Variants in CCSER1 observed in about 807,000 individuals in gnomAD.
CCSER1 encodes the protein coiled-coil serine rich protein 1.
A neutral mutation model predicts 82.0 loss-of-function variants in CCSER1; 41 were observed. That is an observed-to-expected ratio of 0.50 (90% CI 0.39 to 0.65). The LOEUF (loss-of-function observed/expected upper bound fraction) is 0.65. Ranked by LOEUF, CCSER1 falls within the 30% of genes least tolerant of loss-of-function variation. The pLI, the probability that CCSER1 is intolerant of heterozygous loss-of-function variation, is 0.00. For missense variants in CCSER1, 1,119 were observed against 1,064.2 expected, an observed-to-expected ratio of 1.05 and a Z score of -0.72; for synonymous variants, 414 against 383.9, an observed-to-expected ratio of 1.08 and a Z score of -0.92.
intron 10 of CCSER1, among the ~76,000 whole-genome samples, chr4:91,577,467 A>T (rs867491756): frequency 1.3e-5 from 2 of 152,056 alleles, no homozygotes; most frequent in African/African-American, 2.4e-5. Context: ...TAAAATAAAA[A>T]AAAATACCTT....
intron 3 of CCSER1, among the ~76,000 whole-genome samples, chr4:90,394,298 CT>C (rs934831563): frequency 1.3e-5 from 2 of 152,006 alleles, no homozygotes; most frequent in African/African-American, 2.4e-5. Context: ...ACACCATGCC[CT>C]TTACATTCAT....
intron 10 of CCSER1, among the ~76,000 whole-genome samples, chr4:91,456,750 G>A (rs1395599544): frequency 6.6e-6 from 1 of 151,798 alleles, no homozygotes; most frequent in Non-Finnish European, 1.5e-5. Flanking sequence ...ATTTACCTTT[G>A]TTGTTTCAGG....
chr4:90,857,567 C>A (rs1309429820), intron 8 of CCSER1, among the ~76,000 whole-genome samples: 1 of 152,078 alleles, frequency 6.6e-6, no homozygotes, highest in Non-Finnish European at 1.5e-5. Flanking sequence ...AGGAAAATTA[C>A]ATAAAGTGCA....
chr4:91,233,168 G>C (rs1318370623), intron 10 of CCSER1, among the ~76,000 whole-genome samples: 2 of 151,780 alleles, frequency 1.3e-5, no homozygotes, highest in African/African-American at 2.4e-5. Context: ...AAATGATCCT[G>C]CTCCAAAACA....
intron 10 of CCSER1, among the ~76,000 whole-genome samples, chr4:91,124,417 T>TA (rs1198189106): frequency 3.3e-5 from 5 of 151,736 alleles, no homozygotes; most frequent in Non-Finnish European, 7.4e-5. Flanking sequence ...TGCCTTTACA[T>TA]ATTATTTTTT....
At chr4:91,286,696 A>G (rs1209630957) in intron 10 of CCSER1, among the ~76,000 whole-genome samples, 6 of 151,856 alleles carry the variant, frequency 4.0e-5, no homozygotes, top group Non-Finnish European at 7.4e-5. Flanking sequence ...CCATTTTGTG[A>G]CCATAATTAC....
In CCSER1 at chr4:91,493,447, TG is replaced by T. The variant is rs1489931489; in HGVS notation, c.2218-105124del. On this transcript the variant is annotated intron_variant, in intron 10 of 10. Coordinates refer to ENST00000509176, the MANE Select transcript of CCSER1 (RefSeq NM_001145065.2). ...TTCAAGTTTCAAAATGTGTTTATTA[TG>T]AAAAAAAATATGAAAGTATTCTTTT... Among the ~76,000 whole-genome samples, 6 of 76,292 alleles carry T rather than the reference TG, an allele frequency of 7.9e-5. No homozygotes were observed. In the East Asian group the frequency reaches 1.9e-3, roughly 24 times the overall value. The allele number at this position is 76,292 out of a possible 152,430, so 50.1% of individuals were successfully genotyped here. A position where few individuals can be genotyped will look rare whatever the true frequency, so the allele number is the denominator to read the frequency against.
intron 1 of CCSER1, among the ~76,000 whole-genome samples, chr4:90,240,717 C>CA (rs1448100128): frequency 6.6e-6 from 1 of 152,134 alleles, no homozygotes; most frequent in Non-Finnish European, 1.5e-5. Context: ...AATATTGTGG[C>CA]AAAAATGACA....
At chr4:90,665,782 A>T (rs776890204) in intron 6 of CCSER1, among the ~76,000 whole-genome samples, 19 of 152,286 alleles carry the variant, frequency 1.2e-4, no homozygotes, top group Admixed American at 3.3e-4. Flanking sequence ...ACACAAACTT[A>T]TTATCTCACA....
At chr4:91,136,525 C>G (rs1330604693) in intron 10 of CCSER1, among the ~76,000 whole-genome samples, 1 of 152,142 alleles carries the variant, frequency 6.6e-6, no homozygotes, top group Non-Finnish European at 1.5e-5. Context: ...TAAAGTCTTT[C>G]TTTTCAATAC....
At chr4:90,917,933 C>G (rs1727745117) in intron 8 of CCSER1, among the ~76,000 whole-genome samples, 1 of 151,910 alleles carries the variant, frequency 6.6e-6, no homozygotes, top group Admixed American at 6.6e-5. Flanking sequence ...TTTCCATAAG[C>G]TTTACCTTTA....
intron 5 of CCSER1, among the ~76,000 whole-genome samples, chr4:90,473,835 A>C (rs1764720303): frequency 6.6e-6 from 1 of 152,208 alleles, no homozygotes; most frequent in Non-Finnish European, 1.5e-5. Flanking sequence ...TCTTCAGGAG[A>C]ACATATTTAT....
At chr4:91,549,262 T>C (rs1762045408) in intron 10 of CCSER1, among the ~76,000 whole-genome samples, 1 of 152,176 alleles carries the variant, frequency 6.6e-6, no homozygotes, top group African/African-American at 2.4e-5. Context: ...TGTGCTTGCA[T>C]GTTGTCTACT....
At chr4:90,745,182 T>G (rs1747210548) in intron 7 of CCSER1, among the ~76,000 whole-genome samples, 1 of 152,110 alleles carries the variant, frequency 6.6e-6, no homozygotes, top group Non-Finnish European at 1.5e-5. Context: ...TTTGTTTACT[T>G]ACCTTTTGAA....
chr4:90,954,640 CAT>C lies in CCSER1; in HGVS notation c.2172+31194_2172+31195del, dbSNP rs556014524. ...CCACTTAGTGTAGGATTGAATAAAA[CAT>C]GTGCTGAATGAAAACAAATGATGCA... On this transcript the variant is annotated intron_variant, in intron 9 of 10. Transcript: ENST00000509176. 8.4e-3 allele frequency among the ~76,000 whole-genome samples: 1,271 copies of C among 152,208 alleles called. 24 individuals are homozygous for C. Among genetic ancestry groups the C allele is most frequent in the African/African-American group, 0.029 (1,193 of 41,544 alleles).
chr4:90,778,033 T>C (rs1262158202), intron 7 of CCSER1, among the ~76,000 whole-genome samples: 1 of 152,210 alleles, frequency 6.6e-6, no homozygotes, highest in Non-Finnish European at 1.5e-5. Context: ...AATGTTTTCT[T>C]ATTCATTTGG....
chr4:90,323,770 T>C (rs1213203935), intron 3 of CCSER1, among the ~76,000 whole-genome samples: 1 of 152,180 alleles, frequency 6.6e-6, no homozygotes, highest in Non-Finnish European at 1.5e-5. Context: ...CTGCACCCAC[T>C]AACTCGTCAT....
At chr4:90,350,737 A>G (rs574202949) in intron 3 of CCSER1, among the ~76,000 whole-genome samples, 2 of 152,140 alleles carry the variant, frequency 1.3e-5, no homozygotes, top group Non-Finnish European at 2.9e-5. Flanking sequence ...GATGATTTCA[A>G]AGAGAAATTT....
chr4:90,909,434 G>A (rs1480075583), intron 8 of CCSER1, among the ~76,000 whole-genome samples: 2 of 152,070 alleles, frequency 1.3e-5, no homozygotes, highest in Non-Finnish European at 2.9e-5. Flanking sequence ...ACTCCCCTCT[G>A]CACCCTAGGT....
Sources: gnomAD v4.1 joint callset for allele counts (sites outside exome capture counted in the v4.1 genomes callset) on GRCh38, gnomAD v4.1.1 for gene constraint, MANE v1.5 for transcripts, NCBI Gene and HGNC (gene_info 2026-07-23, HGNC 2026-07-21) for gene names.